Variants in ABHD5 observed in about 807,000 individuals in gnomAD.
ABHD5 encodes abhydrolase domain containing 5, lysophosphatidic acid acyltransferase.
Under a neutral mutation model 44.9 loss-of-function variants are expected in ABHD5, and 30 were observed. That is an observed-to-expected ratio of 0.67 (90% CI 0.50 to 0.91). The LOEUF is 0.91. Ranked by LOEUF, ABHD5 falls within the 40% of genes least tolerant of loss-of-function variation. The pLI, the probability that ABHD5 is intolerant of heterozygous loss-of-function variation, is 0.00. For missense variants in ABHD5, 399 were observed against 423.4 expected (o/e 0.94, Z 0.50); for synonymous variants, 167 against 147.0 (o/e 1.14, Z -0.99).
At chr3:43,729,527 A>T (rs2084899506) in intron 7 of ABHD5, among the ~76,000 whole-genome samples, 1 of 152,194 alleles carries the variant, frequency 6.6e-6, no homozygotes, top group South Asian at 2.1e-4. Flanking sequence ...TCATACAGCT[A>T]ATGAGTAGTC....
Position 43,708,018 on chromosome 3 carries a change from G to C in ABHD5, c.507-3691G>C, listed in dbSNP as rs182651738. 3.1e-4 allele frequency among the ~76,000 whole-genome samples: 47 copies of C among 152,304 alleles called. No homozygotes were observed. In the East Asian group the frequency reaches 5.0e-3, roughly 16 times the overall value. On this transcript the variant is annotated intron_variant, in intron 3 of 6. Transcript: ENST00000644371. ...GCTTATCTACCCTTGTTAGCATTTA[G>C]AGCAAGTGAAATCAGGTCCTAGTGT...
chr3:43,696,142 A>G (rs1372881427), intron 1 of ABHD5, among the ~76,000 whole-genome samples: 9 of 152,232 alleles, frequency 5.9e-5, no homozygotes, highest in Non-Finnish European at 1.0e-4. Context: ...TTAGAAAGCT[A>G]TAGTTCCTGT....
At chr3:43,710,467 C>T (rs139210587) in intron 3 of ABHD5, among the ~76,000 whole-genome samples, 68 of 152,288 alleles carry the variant, frequency 4.5e-4, no homozygotes, top group South Asian at 2.7e-3. Flanking sequence ...TCTGTGTTAA[C>T]TAATGTTATG....
rs181436079 is a variant in ABHD5 at position 43,705,283 on chromosome 3, T to G, written c.506+2696T>G. Among the ~76,000 whole-genome samples, 9 of 152,272 alleles carry G rather than the reference T, an allele frequency of 5.9e-5. No individual in the cohort carries two copies. In the East Asian group the frequency reaches 1.7e-3, roughly 29 times the overall value. The stretch of plus-strand genomic sequence containing the variant: ...AATTTATTTTTGGGAGAAAAATTAG[T>G]TTCAGATATGCAAGCATAAGCAGGC... On this transcript the variant is annotated intron_variant, in intron 3 of 6. Transcript: ENST00000644371.
chr3:43,701,719 G>A (rs1288483238), intron 2 of ABHD5, among the ~76,000 whole-genome samples: 1 of 152,148 alleles, frequency 6.6e-6, no homozygotes, highest in Non-Finnish European at 1.5e-5. Flanking sequence ...ATAGATACCA[G>A]TAATCCTTCC....
At chr3:43,726,083 C>T (rs1451269577), downstream of ABHD5, among the ~76,000 whole-genome samples, 2 of 152,142 alleles carry the variant, frequency 1.3e-5, no homozygotes, top group Non-Finnish European at 2.9e-5. Context: ...CCAGGATGGT[C>T]TCAATCTCCT....
chr3:43,707,970 T>A (rs1454979517), intron 3 of ABHD5, among the ~76,000 whole-genome samples: 1 of 152,170 alleles, frequency 6.6e-6, no homozygotes, highest in Non-Finnish European at 1.5e-5. Flanking sequence ...CTGGTGGCTG[T>A]CTTTAAATCT....
At chr3:43,731,528 T>G (rs1182709204) in intron 7 of ABHD5, among the ~76,000 whole-genome samples, 3 of 152,112 alleles carry the variant, frequency 2.0e-5, no homozygotes, top group Non-Finnish European at 4.4e-5. Context: ...TGGGGCTGCT[T>G]GTTGAAAGAT....
chr3:43,700,322 G>A (rs1575600316), intron 2 of ABHD5, among the ~76,000 whole-genome samples: 1 of 151,976 alleles, frequency 6.6e-6, no homozygotes, highest in East Asian at 1.9e-4. Flanking sequence ...GCATTCCAAG[G>A]TATCTGTGGG....
At chr3:43,714,922 A>C (rs1174602430) in intron 4 of ABHD5, 25 bp from the exon 5 acceptor site, 3 of 1,532,392 alleles carry the variant, frequency 2.0e-6, no homozygotes, top group Non-Finnish European at 2.7e-6. Context: ...TAAAACATGC[A>C]TTTTTTAAAT....
intron 2 of ABHD5, among the ~76,000 whole-genome samples, chr3:43,701,724 C>A (rs2084544156): frequency 6.6e-6 from 1 of 152,140 alleles, no homozygotes; most frequent in Non-Finnish European, 1.5e-5. Context: ...TACCAGTAAT[C>A]CTTCCCTAAA....
intron 1 of ABHD5, among the ~76,000 whole-genome samples, chr3:43,693,318 A>T (rs769563350): frequency 2.0e-5 from 3 of 152,192 alleles, no homozygotes; most frequent in Non-Finnish European, 4.4e-5. Flanking sequence ...ACACCACGGA[A>T]ATCATCAAAT....
chr3:43,718,678 A>C lies in ABHD5; in HGVS notation c.*146A>C. ...TTGCACATGTTTTCTTTAGGAATTC[A>C]CTCACACATTTAAACCAGTTAGTGC... is the stretch of plus-strand genomic sequence containing the variant. On this transcript the variant is annotated 3_prime_UTR_variant, in exon 7 of 7. Coordinates refer to ENST00000644371, the MANE Select transcript of ABHD5 (RefSeq NM_016006.6). 1 of 772,658 alleles carries C rather than the reference A, an allele frequency of 1.3e-6. No individual in the cohort carries two copies. The highest frequency in any genetic ancestry group is 2.3e-6 in the Non-Finnish European group (1 of 443,766). 47.9% of individuals were successfully genotyped at this position (772,658 alleles called of 1,614,324 possible). A position where few individuals can be genotyped will look rare whatever the true frequency, so the allele number is the denominator to read the frequency against.
At chr3:43,729,429 G>T (rs2084898957) in intron 7 of ABHD5, among the ~76,000 whole-genome samples, 1 of 152,004 alleles carries the variant, frequency 6.6e-6, no homozygotes, top group South Asian at 2.1e-4. Context: ...GATAGGACTG[G>T]GTAAATTTGA....
intron 7 of ABHD5, among the ~76,000 whole-genome samples, chr3:43,729,792 G>C (rs964772363): frequency 1.3e-5 from 2 of 152,230 alleles, no homozygotes; most frequent in African/African-American, 4.8e-5. Flanking sequence ...GTATAGGCCA[G>C]CACTGTATTC....
intron 7 of ABHD5, among the ~76,000 whole-genome samples, chr3:43,731,351 TCTC>T: frequency 2.0e-5 from 3 of 152,346 alleles, no homozygotes; most frequent in Middle Eastern, 3.4e-3. Context: ...ATGGGAACTA[TCTC>T]CAAAGTGCTA....
intron 2 of ABHD5, among the ~76,000 whole-genome samples, chr3:43,700,435 A>G (rs1030045903): frequency 6.6e-6 from 1 of 152,130 alleles, no homozygotes; most frequent in Non-Finnish European, 1.5e-5. Flanking sequence ...TTATTTTTGT[A>G]TGTAGGTGCA....
chr3:43,690,976 C>T lies in ABHD5; in HGVS notation c.-17C>T, dbSNP rs746546023. 4 of 1,571,684 alleles carry T rather than the reference C, an allele frequency of 2.5e-6. No individual in the cohort carries two copies. The highest frequency in any genetic ancestry group is 2.3e-5 in the South Asian group (2 of 87,058). ...GCCGGCTTCGAGATAAGTCCCGGCG[C>T]TTGCGCGGCGGCGGCTATGGCGGCG... On this transcript the variant is annotated 5_prime_UTR_variant, in exon 1 of 7. Coordinates refer to ENST00000644371, the MANE Select transcript of ABHD5 (RefSeq NM_016006.6).
chr3:43,727,568 CA>C (rs1261467274), downstream of ABHD5, among the ~76,000 whole-genome samples: 1 of 152,078 alleles, frequency 6.6e-6, no homozygotes, highest in Non-Finnish European at 1.5e-5. Flanking sequence ...TTAGCCAATG[CA>C]GGAAAAAATG....
Sources: allele counts gnomAD v4.1 joint callset (sites outside exome capture counted in the v4.1 genomes callset), GRCh38; gene constraint gnomAD v4.1.1; transcripts MANE v1.5; gene names NCBI Gene and HGNC (gene_info 2026-07-23, HGNC 2026-07-21).